Variants in PRKG1 observed in about 807,000 individuals in gnomAD.
PRKG1 encodes protein kinase cGMP-dependent 1.
In PRKG1, 35 loss-of-function variants were observed where a neutral mutation model predicts 88.1. The ratio of observed to expected loss-of-function variants is 0.40; its 90% CI spans 0.30 to 0.53. The LOEUF is 0.53. Ranked by LOEUF, PRKG1 falls within the 20% of genes least tolerant of loss-of-function variation. The pLI, the probability that PRKG1 is intolerant of heterozygous loss-of-function variation, is 0.59. For synonymous variants in PRKG1, 303 were observed against 292.5 expected, an observed-to-expected ratio of 1.04 and a Z score of -0.37; for missense variants, 540 against 839.8, an observed-to-expected ratio of 0.64 and a Z score of 4.41.
At chr10:51,803,315 A>G (rs1839222469) in intron 3 of PRKG1, among the ~76,000 whole-genome samples, 1 of 152,088 alleles carries the variant, frequency 6.6e-6, no homozygotes, top group Admixed American at 6.6e-5. Flanking sequence ...TTCAGTGAGC[A>G]TGTTTTGTTT....
chr10:51,482,085 A>G (rs998749134), intron 3 of PRKG1, among the ~76,000 whole-genome samples: 7 of 152,210 alleles, frequency 4.6e-5, no homozygotes, highest in African/African-American at 1.7e-4. Context: ...ATAAAGTGAC[A>G]TAAGGAATTG....
chr10:51,954,690 G>A (rs1199304903), intron 5 of PRKG1, among the ~76,000 whole-genome samples: 1 of 152,184 alleles, frequency 6.6e-6, no homozygotes, highest in Admixed American at 6.5e-5. Flanking sequence ...CGATTTGTAA[G>A]TCATAGGAAT....
intron 2 of PRKG1, among the ~76,000 whole-genome samples, 198 bp downstream of exon 2, chr10:51,153,528 T>G (rs894714061): frequency 2.0e-5 from 3 of 152,042 alleles, no homozygotes; most frequent in Non-Finnish European, 2.9e-5. Flanking sequence ...AGAGTATTAA[T>G]ATGAGAATCC....
intron 1 of PRKG1, among the ~76,000 whole-genome samples, chr10:51,065,754 T>C (rs1843742262): frequency 6.6e-6 from 1 of 152,140 alleles, no homozygotes; most frequent in Non-Finnish European, 1.5e-5. Context: ...CGCCTTCCTG[T>C]TCTAGGTGTT....
intron 5 of PRKG1, among the ~76,000 whole-genome samples, chr10:52,016,646 T>A (rs1845047414): frequency 6.6e-6 from 1 of 152,222 alleles, no homozygotes; most frequent in Non-Finnish European, 1.5e-5. Flanking sequence ...GTGGAAATAA[T>A]GTAGTCACTT....
At chr10:51,027,289 G>A (rs892500113) in intron 1 of PRKG1, among the ~76,000 whole-genome samples, 4 of 152,198 alleles carry the variant, frequency 2.6e-5, no homozygotes, top group African/African-American at 7.2e-5. Flanking sequence ...TTACAAGGGA[G>A]AAAATAAATT....
chr10:51,889,944 G>T (rs1204538412), intron 4 of PRKG1, among the ~76,000 whole-genome samples: 1 of 152,176 alleles, frequency 6.6e-6, no homozygotes, highest in Non-Finnish European at 1.5e-5. Flanking sequence ...GTTCTTTGTA[G>T]ATTCTGGATA....
intron 5 of PRKG1, among the ~76,000 whole-genome samples, chr10:52,054,204 G>A (rs1846054700): frequency 6.6e-6 from 1 of 152,108 alleles, no homozygotes; most frequent in African/African-American, 2.4e-5. Flanking sequence ...CACCAGCATG[G>A]CACATGCATA....
chr10:51,689,206 C>A (rs778549164), intron 3 of PRKG1, among the ~76,000 whole-genome samples: 1 of 151,432 alleles, frequency 6.6e-6, no homozygotes, highest in Non-Finnish European at 1.5e-5. Flanking sequence ...GACTAATACA[C>A]CATCAAACAC....
chr10:51,675,860 C>T (rs557192279), intron 3 of PRKG1, among the ~76,000 whole-genome samples: 2 of 152,274 alleles, frequency 1.3e-5, no homozygotes, highest in Admixed American at 6.5e-5. Context: ...ATAAACTACA[C>T]TTGCCTTCTT....
At chr10:52,140,390 A>G (rs1837543898) in intron 8 of PRKG1, among the ~76,000 whole-genome samples, 1 of 152,072 alleles carries the variant, frequency 6.6e-6, no homozygotes, top group African/African-American at 2.4e-5. Flanking sequence ...ACTGGCAGGC[A>G]TGCTTTACTC....
intron 1 of PRKG1, among the ~76,000 whole-genome samples, chr10:51,130,968 A>G (rs1845552433): frequency 6.6e-6 from 1 of 152,170 alleles, no homozygotes; most frequent in African/African-American, 2.4e-5. Flanking sequence ...AACTGGACAA[A>G]CTGACATTCT....
At chr10:51,176,880 A>G (rs1208654022) in intron 2 of PRKG1, among the ~76,000 whole-genome samples, 1 of 152,212 alleles carries the variant, frequency 6.6e-6, no homozygotes, top group Non-Finnish European at 1.5e-5. Context: ...TGTTCTCCAG[A>G]TAAGTCTATA....
At chr10:51,006,936 ATTTTT>A (rs34941069) in intron 1 of PRKG1, among the ~76,000 whole-genome samples, 2 of 116,812 alleles carry the variant, frequency 1.7e-5, no homozygotes, top group Admixed American at 9.1e-5. Flanking sequence ...AGGGCCTGAG[ATTTTT>A]TTTTTTTTTT....
intron 7 of PRKG1, among the ~76,000 whole-genome samples, chr10:52,105,025 A>G (rs1847380972): frequency 6.6e-6 from 1 of 152,224 alleles, no homozygotes; most frequent in South Asian, 2.1e-4. Flanking sequence ...TAGACAATAA[A>G]TATAATGGAC....
At chr10:51,385,034 T>C (rs1333044513) in intron 2 of PRKG1, among the ~76,000 whole-genome samples, 1 of 152,238 alleles carries the variant, frequency 6.6e-6, no homozygotes, top group Non-Finnish European at 1.5e-5. Context: ...TTGTTGTTGA[T>C]GTAGGAAAAT....
intron 2 of PRKG1, among the ~76,000 whole-genome samples, chr10:51,219,275 C>T (rs1161217020): frequency 6.6e-6 from 1 of 152,132 alleles, no homozygotes; most frequent in Admixed American, 6.5e-5. Flanking sequence ...ATATGTTTAT[C>T]AGGTGAGCAT....
intron 2 of PRKG1, among the ~76,000 whole-genome samples, chr10:51,289,886 T>A (rs1200941730): frequency 1.3e-5 from 2 of 152,202 alleles, no homozygotes; most frequent in Non-Finnish European, 2.9e-5. Flanking sequence ...CATTTCACTC[T>A]GCAGCTTTAA....
intron 1 of PRKG1, among the ~76,000 whole-genome samples, chr10:51,008,606 C>A (rs1357796867): frequency 2.0e-5 from 3 of 152,096 alleles, no homozygotes; most frequent in African/African-American, 7.2e-5. Context: ...GTCTAAATTC[C>A]CCTCTTGTAA....
Sources: allele counts gnomAD v4.1 joint callset (sites outside exome capture counted in the v4.1 genomes callset), GRCh38; gene constraint gnomAD v4.1.1; transcripts MANE v1.5; gene names NCBI Gene and HGNC (gene_info 2026-07-23, HGNC 2026-07-21).